The following ACO2 variants were observed in gnomAD, a reference collection of about 807,000 sequenced individuals.
The protein encoded by ACO2 is aconitate hydratase, mitochondrial.
Under a neutral mutation model 84.5 loss-of-function variants are expected in ACO2, and 31 were observed. The ratio of observed to expected loss-of-function variants is 0.37; its 90% CI spans 0.28 to 0.50. The LOEUF is 0.50. Among genes scored for constraint, ACO2 ranks in the 20% least tolerant of loss-of-function variants. ACO2 has a pLI of 0.97. For synonymous variants in ACO2, 414 were observed against 412.7 expected (o/e 1.00, Z -0.04); for missense variants, 685 against 1,029.3 (o/e 0.67, Z 4.58).
chr22:41,496,429 C>G (rs2066314164), intron 1 of ACO2, among the ~76,000 whole-genome samples: 1 of 152,092 alleles, frequency 6.6e-6, no homozygotes, highest in Non-Finnish European at 1.5e-5. Flanking sequence ...GGGTAATAAT[C>G]ATGGAAACGT....
intron 14 of ACO2, chr22:41,525,986 G>T (rs940043716): frequency 1.8e-5 from 7 of 380,098 alleles, no homozygotes; most frequent in Admixed American, 1.2e-4. Context: ...TGAAGGGTGA[G>T]CGAACATTGA....
intron 17 of ACO2, 28 bp from the exon 18 acceptor site, chr22:41,528,451 T>G (rs576755834): frequency 1.2e-6 from 2 of 1,609,680 alleles, no homozygotes; most frequent in Admixed American, 3.3e-5. Context: ...ACCCACCACT[T>G]CCACCCACAC....
chr22:41,481,443 C>T (rs1449658367), intron 1 of ACO2, among the ~76,000 whole-genome samples: 3 of 152,214 alleles, frequency 2.0e-5, no homozygotes, highest in South Asian at 2.1e-4. Flanking sequence ...GTACATGGCT[C>T]CCCAACAAGC....
intron 1 of ACO2, among the ~76,000 whole-genome samples, chr22:41,488,577 G>A (rs766271860): frequency 6.6e-6 from 1 of 152,170 alleles, no homozygotes; most frequent in Non-Finnish European, 1.5e-5. Context: ...ATCGAGTGCT[G>A]TTCTGAGTCT....
intron 9 of ACO2, among the ~76,000 whole-genome samples, chr22:41,522,597 G>A (rs2066535699): frequency 6.6e-6 from 1 of 152,168 alleles, no homozygotes; most frequent in Non-Finnish European, 1.5e-5. Flanking sequence ...AATGTGTTCA[G>A]CATCATGGCC....
chr22:41,496,273 C>T (rs893213517), intron 1 of ACO2, among the ~76,000 whole-genome samples: 1 of 152,040 alleles, frequency 6.6e-6, no homozygotes, highest in African/African-American at 2.4e-5. Flanking sequence ...TGAGATCGTG[C>T]CACTACACTC....
At chr22:41,527,755 A>G in intron 16 of ACO2, 146 bp from the exon 17 acceptor site, 14 of 1,346,884 alleles carry the variant, frequency 1.0e-5, no homozygotes, top group Non-Finnish European at 1.4e-5. Context: ...AGTGAAAGGG[A>G]GCAGACCAGG....
At chr22:41,519,620 G>A (rs928215216) in intron 8 of ACO2, among the ~76,000 whole-genome samples, 1 of 151,906 alleles carries the variant, frequency 6.6e-6, no homozygotes, top group Non-Finnish European at 1.5e-5. Flanking sequence ...CCTGGCTAAT[G>A]TGATGAAACC....
At chr22:41,488,502 G>T (rs1286976352) in intron 1 of ACO2, among the ~76,000 whole-genome samples, 1 of 152,182 alleles carries the variant, frequency 6.6e-6, no homozygotes, top group African/African-American at 2.4e-5. Context: ...TAGACTACAG[G>T]GATCATTCTC....
Position 41,528,591 on chromosome 22 carries a change from G to C in ACO2, c.2321G>C (p.Arg774Thr). The change falls in exon 18 of 18, where the codon AGA becomes ACA. Residue 774 changes from arginine to threonine, a missense_variant. Arg to Thr is a moderately conservative substitution (Grantham distance 71, BLOSUM62 -1). Around this residue, in one of 5 missense-constraint regions of ACO2, gnomAD observed 174 missense variants for 236.6 expected, o/e 0.74. Coordinates refer to ENST00000216254, the MANE Select transcript of ACO2 (RefSeq NM_001098.3). The part of the protein sequence containing the change: ...EWFRAGSALN[R>T]MKELQQ ...TTCCGCGCTGGCAGTGCCCTCAACA[G>C]AATGAAGGAACTGCAACAGTGAGGG... is the stretch of plus-strand genomic sequence containing the variant. 1 of 1,612,072 alleles carries C rather than the reference G, an allele frequency of 6.2e-7. No homozygotes were observed. Among genetic ancestry groups the C allele is most frequent in the Non-Finnish European group, 8.5e-7 (1 of 1,179,964 alleles).
intron 17 of ACO2, 54 bp from the exon 18 acceptor site, chr22:41,528,425 G>T: frequency 6.3e-7 from 1 of 1,594,346 alleles, no homozygotes; most frequent in Non-Finnish European, 8.5e-7. Context: ...CCCCTGCGGG[G>T]CCAAGGGCAC....
intron 1 of ACO2, among the ~76,000 whole-genome samples, chr22:41,495,014 G>A (rs777059952): frequency 2.6e-5 from 4 of 151,470 alleles, no homozygotes; most frequent in Non-Finnish European, 1.5e-5. Flanking sequence ...AATTATAGGC[G>A]TGAGTCTCCA....
At chr22:41,526,976 C>G in intron 15 of ACO2, 1 of 462,328 alleles carries the variant, frequency 2.2e-6, no homozygotes, top group Non-Finnish European at 3.9e-6. Context: ...GTGTGGGGCC[C>G]GGAGGCCGTC....
rs1601934614 is a variant in ACO2, at chr22:41,526,762, A to G, written c.1953+309A>G. The G allele has an allele frequency of 2.2e-5, 8 of 364,044 alleles. No homozygotes were observed. The South Asian group carries it at 2.9e-4, about 13-fold the overall frequency. 22.6% of individuals were successfully genotyped at this position (364,044 alleles called of 1,614,324 possible). A position where few individuals can be genotyped will look rare whatever the true frequency, so the allele number is the denominator to read the frequency against. On this transcript the variant is annotated intron_variant, in intron 15 of 17. Transcript: ENST00000216254. ...GAAGTCAGAGGCCAAAAGCTCAGAGAGGGGGCTACACGGGGCCTCACAGTG... is the reference window on the plus strand; with the variant it reads ...GAAGTCAGAGGCCAAAAGCTCAGAGGGGGGGCTACACGGGGCCTCACAGTG...
At chr22:41,507,548 C>T (rs1005493783) in intron 2 of ACO2, among the ~76,000 whole-genome samples, 31 of 152,178 alleles carry the variant, frequency 2.0e-4, no homozygotes, top group African/African-American at 7.0e-4. Flanking sequence ...GTGATGTTGT[C>T]ATTCACTTAC....
chr22:41,497,478 C>T (rs972369645), intron 1 of ACO2, among the ~76,000 whole-genome samples: 20 of 152,286 alleles, frequency 1.3e-4, no homozygotes, highest in African/African-American at 4.8e-4. Context: ...TACAGCGGCT[C>T]ATGCCTGTAA....
chr22:41,491,361 A>C (rs2066270367), intron 1 of ACO2, among the ~76,000 whole-genome samples: 1 of 152,218 alleles, frequency 6.6e-6, no homozygotes, highest in Admixed American at 6.5e-5. Flanking sequence ...GGCAAATTCT[A>C]ACAAATTACA....
At chr22:41,509,522 AAG>A (rs1363199240) in intron 3 of ACO2, among the ~76,000 whole-genome samples, 3 of 152,152 alleles carry the variant, frequency 2.0e-5, no homozygotes, top group Admixed American at 6.5e-5. Flanking sequence ...TGCTGGGGGA[AAG>A]AGAGAGCTTC....
chr22:41,523,800 TC>T, intron 11 of ACO2, 29 bp from the exon 12 acceptor site: 2 of 1,589,098 alleles, frequency 1.3e-6, no homozygotes, highest in Non-Finnish European at 1.7e-6. Flanking sequence ...AGGCCAGATA[TC>T]CCTAACCCTG....
Sources: allele counts gnomAD v4.1 joint callset (sites outside exome capture counted in the v4.1 genomes callset), GRCh38; gene constraint gnomAD v4.1.1; regional missense constraint gnomAD v4.1.1; transcripts MANE v1.5; gene names NCBI Gene and HGNC (gene_info 2026-07-23, HGNC 2026-07-21).